ARHGEF6: variants seen among roughly 807,000 people sequenced by gnomAD.
ARHGEF6 encodes the protein rho guanine nucleotide exchange factor 6.
ARHGEF6 carries 9 observed loss-of-function variants against 70.3 expected under a neutral mutation model. The ratio of observed to expected loss-of-function variants is 0.13; its 90% CI spans 0.08 to 0.22. The LOEUF is 0.22. Among genes scored for constraint, ARHGEF6 ranks in the 10% least tolerant of loss-of-function variants. The pLI, the probability that ARHGEF6 is intolerant of heterozygous loss-of-function variation, is 1.00. For synonymous variants in ARHGEF6, 201 were observed against 207.8 expected (o/e 0.97, Z 0.28); for missense variants, 470 against 563.0 (o/e 0.83, Z 1.67).
intron 21 of ARHGEF6, 119 bp downstream of exon 21, chrX:136,669,363 A>T: frequency 1.6e-6 from 1 of 638,704 alleles, no homozygotes; most frequent in Non-Finnish European, 2.6e-6. Context: ...TGACACAAGG[A>T]AAACAAAAAT....
intron 2 of ARHGEF6, among the ~76,000 whole-genome samples, chrX:136,752,666 G>C (rs1249711922): frequency 9.0e-6 from 1 of 111,693 alleles, no homozygotes; most frequent in Non-Finnish European, 1.9e-5. Context: ...TAAGGTTGGG[G>C]GTGATTATAA....
intron 2 of ARHGEF6, among the ~76,000 whole-genome samples, chrX:136,768,121 A>G (rs1306895043): frequency 9.0e-6 from 1 of 111,232 alleles, no homozygotes; most frequent in Non-Finnish European, 1.9e-5. Flanking sequence ...ACACCCGAGA[A>G]GCGTTGGCTC....
At position 136,713,365 on chromosome X, in the gene ARHGEF6, T is replaced by C; in HGVS notation, c.738A>G (p.Leu246=). ...PLTKNYYTVV[L]QNILDTEKEY... The stretch of plus-strand genomic sequence containing the variant: ...CTTTTTCAGTGTCCAGGATGTTCTG[T>C]AACACCTATGGAAAAAAAAGTCAAT... The change falls in exon 7 of 22, where the codon TTA becomes TTG. Residue 246 remains leucine (L), a synonymous_variant. Coordinates refer to ENST00000250617, the MANE Select transcript of ARHGEF6 (RefSeq NM_004840.3). The C allele has an allele frequency of 8.4e-7, 1 of 1,189,416 alleles. No homozygotes were observed. The highest frequency in any genetic ancestry group is 1.1e-6 in the Non-Finnish European group (1 of 876,311).
intron 2 of ARHGEF6, among the ~76,000 whole-genome samples, chrX:136,779,127 TAGG>T (rs1240294961): frequency 8.9e-6 from 1 of 111,819 alleles, no homozygotes; most frequent in African/African-American, 3.3e-5. Context: ...TTCCCCTTAG[TAGG>T]AGAACACACC....
intron 9 of ARHGEF6, among the ~76,000 whole-genome samples, chrX:136,705,023 T>C (rs1221310556): frequency 2.7e-5 from 3 of 111,418 alleles, no homozygotes; most frequent in African/African-American, 9.8e-5. Flanking sequence ...GTTGTTGCTG[T>C]TGTTGTTTTG....
intron 2 of ARHGEF6, among the ~76,000 whole-genome samples, chrX:136,751,805 T>C (rs1038848406): frequency 1.8e-5 from 2 of 111,998 alleles, no homozygotes; most frequent in African/African-American, 6.5e-5. Context: ...ACACTTCCAT[T>C]GTTTATAAGC....
At chrX:136,737,582 G>T (rs77204319) in intron 5 of ARHGEF6, 1 of 662,712 alleles carries the variant, frequency 1.5e-6, no homozygotes, top group African/African-American at 2.5e-5. Context: ...GCCCGGGCAC[G>T]GTGGCTCACC....
At chrX:136,738,616 A>C (rs969496491) in intron 5 of ARHGEF6, among the ~76,000 whole-genome samples, 3 of 112,200 alleles carry the variant, frequency 2.7e-5, no homozygotes, top group African/African-American at 9.7e-5. Flanking sequence ...GTCTTCTTAC[A>C]CTACAGTATG....
intron 2 of ARHGEF6, among the ~76,000 whole-genome samples, chrX:136,769,845 TC>T (rs1299884921): frequency 8.9e-6 from 1 of 112,210 alleles, no homozygotes; most frequent in Non-Finnish European, 1.9e-5. Flanking sequence ...CCCTGCCTTC[TC>T]CATTCTGTAA....
At chrX:136,764,221 C>T (rs1402207982) in intron 2 of ARHGEF6, among the ~76,000 whole-genome samples, 1 of 110,686 alleles carries the variant, frequency 9.0e-6, no homozygotes, top group Admixed American at 9.6e-5. Flanking sequence ...CTGGACAGTA[C>T]CTACTAAAGC....
At chrX:136,681,515 T>C (rs1480446330) in intron 14 of ARHGEF6, among the ~76,000 whole-genome samples, 1 of 112,672 alleles carries the variant, frequency 8.9e-6, no homozygotes, top group Non-Finnish European at 1.9e-5. Context: ...CAAATCTTAC[T>C]AACTCATGGG....
intron 9 of ARHGEF6, among the ~76,000 whole-genome samples, chrX:136,692,253 T>C (rs2076466069): frequency 8.9e-6 from 1 of 111,880 alleles, no homozygotes; most frequent in African/African-American, 3.3e-5. Flanking sequence ...CTAATCCTTT[T>C]ATAAAACTTT....
chrX:136,741,651 T>C (rs1010832122), intron 5 of ARHGEF6, among the ~76,000 whole-genome samples: 3 of 110,751 alleles, frequency 2.7e-5, no homozygotes, highest in African/African-American at 9.9e-5. Flanking sequence ...TAATAAGCCC[T>C]AATGATCCTA....
intron 10 of ARHGEF6, among the ~76,000 whole-genome samples, chrX:136,688,549 C>T (rs149240982): frequency 0.015 from 1,672 of 110,194 alleles, 15 homozygotes; most frequent in Middle Eastern, 0.023. Flanking sequence ...GTCCCAGCTA[C>T]TTGGGAGGCT....
chrX:136,671,446 A>T (rs987900639), intron 20 of ARHGEF6, among the ~76,000 whole-genome samples: 1 of 112,594 alleles, frequency 8.9e-6, no homozygotes, highest in African/African-American at 3.2e-5. Context: ...TTTATGAGCC[A>T]GAAGGTACTT....
intron 11 of ARHGEF6, among the ~76,000 whole-genome samples, chrX:136,686,709 C>T (rs376007265): frequency 1.3e-3 from 82 of 63,059 alleles, no homozygotes; most frequent in African/African-American, 3.3e-3. Flanking sequence ...TATATATATA[C>T]ATATATATAT....
chrX:136,697,150 C>T lies in ARHGEF6; in HGVS notation c.1047-6402G>A, dbSNP rs148521704. On this transcript the variant is annotated intron_variant, in intron 9 of 21. Transcript: ENST00000250617. ...TAGTGAGATTTTGCCCAGAGGGAGA[C>T]GCAGTCCATGGGAACAGAAGAGTTC... 6.3e-3 allele frequency among the ~76,000 whole-genome samples: 701 copies of T among 111,305 alleles called. 8 individuals carry two copies. Among genetic ancestry groups the T allele is most frequent in the African/African-American group, 0.021 (638 of 30,544 alleles).
intron 9 of ARHGEF6, among the ~76,000 whole-genome samples, chrX:136,694,617 T>C (rs2076492903): frequency 1.8e-5 from 2 of 111,585 alleles, no homozygotes; most frequent in Admixed American, 9.5e-5. Flanking sequence ...CCAACTCCTC[T>C]TCTCTCTGAT....
chrX:136,693,963 T>C (rs1352822853), intron 9 of ARHGEF6, among the ~76,000 whole-genome samples: 1 of 111,272 alleles, frequency 9.0e-6, no homozygotes, highest in Non-Finnish European at 1.9e-5. Context: ...CCACTCACAC[T>C]GGGTAGAGTG....
Sources: gnomAD v4.1 joint callset for allele counts (sites outside exome capture counted in the v4.1 genomes callset) on GRCh38, gnomAD v4.1.1 for gene constraint, MANE v1.5 for transcripts, NCBI Gene and HGNC (gene_info 2026-07-23, HGNC 2026-07-21) for gene names.